The following LAMA1 variants were observed in gnomAD, a reference collection of about 807,000 sequenced individuals.
LAMA1 encodes laminin subunit alpha-1.
In LAMA1, 219 loss-of-function variants were observed where a neutral mutation model predicts 348.7. The observed-to-expected ratio is 0.63, with a 90% CI of 0.56 to 0.70. The LOEUF (loss-of-function observed/expected upper bound fraction) is 0.70, where lower values mean the gene tolerates loss of function less well. Among genes scored for constraint, LAMA1 ranks in the 30% least tolerant of loss-of-function variants. The probability of loss-of-function intolerance (pLI) is 0.00; values close to 1 mark genes in which losing one functional copy is unlikely to be tolerated. For synonymous variants in LAMA1, 1,487 were observed against 1,491.0 expected, an observed-to-expected ratio of 1.00 and a Z score of 0.06; for missense variants, 3,744 against 3,888.0, an observed-to-expected ratio of 0.96 and a Z score of 0.99.
chr18:6,960,741 A>G (rs961940403), intron 53 of LAMA1: 1 of 151,616 alleles, frequency 6.6e-6, no homozygotes, highest in African/African-American at 2.4e-5. Flanking sequence ...CCCTTCCCCA[A>G]GTATGTCGTG....
At chr18:7,115,706 C>T (rs534810785) in intron 1 of LAMA1, among the ~76,000 whole-genome samples, 1 of 149,410 alleles carries the variant, frequency 6.7e-6, no homozygotes, top group South Asian at 2.1e-4. Context: ...CGCGGCGGCT[C>T]ACGCCTGCAA....
intron 17 of LAMA1, among the ~76,000 whole-genome samples, chr18:7,024,720 A>C (rs1349839083): frequency 6.6e-6 from 1 of 152,032 alleles, no homozygotes; most frequent in African/African-American, 2.4e-5. Flanking sequence ...CTCAGCCCAC[A>C]GCGCGCCTGC....
At chr18:6,966,794 T>C (rs1179809744) in intron 48 of LAMA1, among the ~76,000 whole-genome samples, 1 of 152,072 alleles carries the variant, frequency 6.6e-6, no homozygotes, top group African/African-American at 2.4e-5. Context: ...TCCTCAAAAA[T>C]CTGCAGGATG....
At chr18:6,994,259 C>CA (rs1180523616) in intron 34 of LAMA1, among the ~76,000 whole-genome samples, 3 of 149,660 alleles carry the variant, frequency 2.0e-5, no homozygotes, top group African/African-American at 7.4e-5. Context: ...GCTTACCTCC[C>CA]AGGGCTGCTA....
chr18:6,981,877 T>C (rs528559141), intron 41 of LAMA1, among the ~76,000 whole-genome samples: 4 of 152,290 alleles, frequency 2.6e-5, no homozygotes, highest in South Asian at 2.1e-4. Flanking sequence ...TTATAAAAAA[T>C]TGTAGGCCTA....
At chr18:7,085,637 C>G (rs556118303) in intron 1 of LAMA1, among the ~76,000 whole-genome samples, 9 of 152,064 alleles carry the variant, frequency 5.9e-5, no homozygotes, top group Non-Finnish European at 1.3e-4. Flanking sequence ...CCAGGATGGT[C>G]TCGATCTCCT....
chr18:6,979,919 C>G (rs2057703102), intron 42 of LAMA1, among the ~76,000 whole-genome samples: 1 of 152,110 alleles, frequency 6.6e-6, no homozygotes, highest in African/African-American at 2.4e-5. Flanking sequence ...TGCTGCTAGC[C>G]GGGTTCAGGC....
intron 9 of LAMA1, 60 bp from the exon 10 acceptor site, chr18:7,040,296 T>C: frequency 6.4e-7 from 1 of 1,571,490 alleles, no homozygotes. Flanking sequence ...AAAGCAGGGG[T>C]TGGCAAATGT....
intron 36 of LAMA1, among the ~76,000 whole-genome samples, chr18:6,987,267 T>C (rs1477289932): frequency 6.6e-6 from 1 of 152,184 alleles, no homozygotes; most frequent in Non-Finnish European, 1.5e-5. Context: ...CAACATTCTG[T>C]GTTGATGGGA....
intron 3 of LAMA1, among the ~76,000 whole-genome samples, chr18:7,063,609 T>C (rs11663691): frequency 5.5e-4 from 84 of 152,096 alleles, no homozygotes; most frequent in African/African-American, 1.9e-3. Flanking sequence ...AGGTACCCGT[T>C]GATGGATGAA....
intron 3 of LAMA1, among the ~76,000 whole-genome samples, chr18:7,073,284 C>A (rs1414523761): frequency 6.6e-6 from 1 of 152,138 alleles, no homozygotes; most frequent in Non-Finnish European, 1.5e-5. Flanking sequence ...AAAACCACGA[C>A]TTTAGCCATG....
intron 36 of LAMA1, among the ~76,000 whole-genome samples, chr18:6,988,402 G>A (rs544466657): frequency 6.6e-5 from 10 of 152,310 alleles, no homozygotes; most frequent in African/African-American, 2.4e-4. Flanking sequence ...GATCCTCCAC[G>A]GGGCTGCTGA....
chr18:7,046,290 A>C lies in LAMA1; in HGVS notation c.846T>G (p.Asp282Glu), dbSNP rs747265431. 9 of 1,608,922 alleles carry C rather than the reference A, an allele frequency of 5.6e-6. No individual in the cohort carries two copies. In the South Asian group the frequency reaches 7.7e-5, roughly 14 times the overall value. ...CYGHASSCPW[D>E]ETTKKLQCQC... ...TACTAGAACTCACCTTTGTAGTTTC[A>C]TCCCATGGGCAGCTACTAGCATGGC... Residue 282 changes from aspartate (D) to glutamate (E), a missense_variant, in exon 6 of 63, where the codon GAT becomes GAG. Around this residue, in one of 3 missense-constraint regions of LAMA1, gnomAD observed 1,529 missense variants for 1,689.4 expected, o/e 0.91. Coordinates refer to ENST00000389658, the MANE Select transcript of LAMA1 (RefSeq NM_005559.4).
At chr18:7,103,394 G>A (rs1333446874) in intron 1 of LAMA1, among the ~76,000 whole-genome samples, 5 of 151,870 alleles carry the variant, frequency 3.3e-5, no homozygotes, top group African/African-American at 1.2e-4. Flanking sequence ...GACAGAGCGA[G>A]ACTCCATCTC....
chr18:7,042,101 C>T, intron 9 of LAMA1, 44 bp downstream of exon 9: 4 of 1,330,872 alleles, frequency 3.0e-6, no homozygotes, highest in Non-Finnish European at 4.3e-6. Context: ...CTTCCACACA[C>T]ACACAAAATC....
intron 7 of LAMA1, among the ~76,000 whole-genome samples, chr18:7,044,234 T>G (rs538023243): frequency 6.7e-6 from 1 of 150,196 alleles, no homozygotes; most frequent in South Asian, 2.1e-4. Context: ...GCGTAAGAAC[T>G]GTGTTGGCTG....
chr18:7,010,141 T>G, intron 26 of LAMA1, 59 bp downstream of exon 26: 1 of 1,583,098 alleles, frequency 6.3e-7, no homozygotes. Context: ...CATCTTTCAC[T>G]ACATCCATAG....
chr18:7,049,089 CA>C lies in LAMA1; in HGVS notation c.756del (p.Ile252MetfsTer10). On this transcript the variant is annotated frameshift_variant, in exon 5 of 63. Transcript: ENST00000389658. LOFTEE classifies it high-confidence loss of function. ...CGTCCCATACTCACGCGTCTGGTAA[CA>C]ATAGGATCCAGTTCTTTAGGTTCCC... ...SHREPKELDPIVTRRYYYSIK... is the reference protein window; with the variant it reads ...SHREPKELDPXVTRRYYYSIK... 1 of 1,613,932 alleles carries C rather than the reference CA, an allele frequency of 6.2e-7. No individual in the cohort carries two copies.
At chr18:7,016,292 A>G (rs1399425719) in intron 21 of LAMA1, among the ~76,000 whole-genome samples, 199 bp downstream of exon 21, 1 of 152,222 alleles carries the variant, frequency 6.6e-6, no homozygotes, top group African/African-American at 2.4e-5. Flanking sequence ...TCCCACAATT[A>G]GTAGGCGGCA....
Sources: allele counts gnomAD v4.1 joint callset (sites outside exome capture counted in the v4.1 genomes callset), GRCh38; gene constraint gnomAD v4.1.1; regional missense constraint gnomAD v4.1.1; transcripts MANE v1.5; gene names NCBI Gene and HGNC (gene_info 2026-07-23, HGNC 2026-07-21).